The following CDS2 variants were observed in gnomAD, a reference collection of about 807,000 sequenced individuals.
CDS2 encodes phosphatidate cytidylyltransferase 2.
In CDS2, 47 loss-of-function variants were observed where a neutral mutation model predicts 59.0. That is an observed-to-expected ratio of 0.80 (90% CI 0.63 to 1.02). CDS2 has a LOEUF of 1.02. CDS2 is among the 50% of genes least tolerant of loss of function. CDS2 has a pLI of 0.00. For synonymous variants in CDS2, 207 were observed against 206.4 expected (o/e 1.00, Z -0.02); for missense variants, 356 against 558.9 (o/e 0.64, Z 3.66).
At chr20:5,177,697 C>G (rs2091004462) in intron 4 of CDS2, among the ~76,000 whole-genome samples, 1 of 152,100 alleles carries the variant, frequency 6.6e-6, no homozygotes, top group Admixed American at 6.5e-5. Flanking sequence ...TTTGCCCCAG[C>G]AACCTGGTCA....
intron 11 of CDS2, 99 bp from the exon 12 acceptor site, chr20:5,189,636 C>A: frequency 1.3e-6 from 1 of 795,026 alleles, no homozygotes; most frequent in Non-Finnish European, 2.1e-6. Flanking sequence ...TTGCCCTCAG[C>A]TACTCAGCAC....
chr20:5,127,365 A>C (rs1423044320), intron 1 of CDS2, among the ~76,000 whole-genome samples: 1 of 151,750 alleles, frequency 6.6e-6, no homozygotes, highest in African/African-American at 2.4e-5. Flanking sequence ...GGTCTGACTG[A>C]AGTGGCTCCC....
intron 1 of CDS2, chr20:5,128,421 C>T (rs780368884): frequency 6.6e-6 from 1 of 152,070 alleles, no homozygotes; most frequent in African/African-American, 2.4e-5. Context: ...TTTTTTTAAA[C>T]AACTTTCGTG....
At chr20:5,156,043 T>A (rs1225932456) in intron 1 of CDS2, among the ~76,000 whole-genome samples, 1 of 152,118 alleles carries the variant, frequency 6.6e-6, no homozygotes, top group Non-Finnish European at 1.5e-5. Flanking sequence ...GGGGGAGGGA[T>A]GTAATCAGAG....
chr20:5,164,241 G>C (rs968744937), intron 1 of CDS2, among the ~76,000 whole-genome samples: 1 of 152,110 alleles, frequency 6.6e-6, no homozygotes, highest in African/African-American at 2.4e-5. Flanking sequence ...TTATAAACCA[G>C]GAATACTACA....
chr20:5,186,948 G>A, intron 10 of CDS2, 109 bp downstream of exon 10: 2 of 1,244,810 alleles, frequency 1.6e-6, no homozygotes, highest in Non-Finnish European at 2.3e-6. Context: ...CCTTCCCAAA[G>A]CTGTAAGCCC....
intron 1 of CDS2, among the ~76,000 whole-genome samples, chr20:5,135,623 C>T (rs969004656): frequency 1.3e-5 from 2 of 152,106 alleles, no homozygotes; most frequent in Non-Finnish European, 2.9e-5. Context: ...GTGAGGCACC[C>T]CCTCCCCACC....
chr20:5,174,933 T>C (rs2090983611), intron 2 of CDS2, among the ~76,000 whole-genome samples: 1 of 152,168 alleles, frequency 6.6e-6, no homozygotes, highest in Non-Finnish European at 1.5e-5. Context: ...TGTTTGTTTG[T>C]GTTTTGCCTG....
chr20:5,130,863 G>A (rs1473990266), intron 1 of CDS2, among the ~76,000 whole-genome samples: 2 of 151,648 alleles, frequency 1.3e-5, no homozygotes, highest in Non-Finnish European at 2.9e-5. Context: ...AGGACGAGGC[G>A]GGTGGATCAC....
rs201236627 is a variant in CDS2 at position 5,185,020 on chromosome 20, GCAGA to G, written c.759+80_759+83del. ...CTCTCAATGTGAGTAGATCAGCCTG[GCAGA>G]CAGAAGAAATCTAGCTGTGTTGTAT... On this transcript the variant is annotated intron_variant, in intron 8 of 12. Coordinates refer to ENST00000460006, the MANE Select transcript of CDS2 (RefSeq NM_003818.4). The G allele has an allele frequency of 1.6e-4, 169 of 1,060,298 alleles. 1 individual carries two copies. In the East Asian group the frequency reaches 4.0e-3, roughly 25 times the overall value. The allele number at this position is 1,060,298 out of a possible 1,614,324, so 65.7% of individuals were successfully genotyped here.
chr20:5,150,726 C>T (rs1475393910), intron 1 of CDS2, among the ~76,000 whole-genome samples: 1 of 152,224 alleles, frequency 6.6e-6, no homozygotes, highest in African/African-American at 2.4e-5. Flanking sequence ...CTGACGCTCC[C>T]ACCCCATTTC....
chr20:5,134,845 TAGA>T (rs2090635820), intron 1 of CDS2, among the ~76,000 whole-genome samples: 1 of 152,052 alleles, frequency 6.6e-6, no homozygotes, highest in Non-Finnish European at 1.5e-5. Context: ...ATTGGTAAGG[TAGA>T]AAATGAGCAT....
chr20:5,195,060 T>C lies in CDS2; in HGVS notation c.*4826T>C, dbSNP rs2091146463. 1 of 152,170 alleles carries C rather than the reference T, an allele frequency of 6.6e-6. No homozygotes were observed. The highest frequency in any genetic ancestry group is 2.4e-5 in the African/African-American group (1 of 41,424). 9.4% of individuals were successfully genotyped at this position (152,170 alleles called of 1,614,324 possible). A position where few individuals can be genotyped will look rare whatever the true frequency, so the allele number is the denominator to read the frequency against. ...AAATCACCCTAGGTGCGGGCAGGTT[T>C]CTAGGCTGCTCTAAGCTTCTACCTT... On this transcript the variant is annotated 3_prime_UTR_variant, in exon 13 of 13. Coordinates refer to ENST00000460006, the MANE Select transcript of CDS2 (RefSeq NM_003818.4).
intron 1 of CDS2, among the ~76,000 whole-genome samples, chr20:5,167,708 A>T (rs2090923073): frequency 6.6e-6 from 1 of 152,188 alleles, no homozygotes. Context: ...GTGAGTGGGG[A>T]GTTGCCCTCC....
At chr20:5,181,536 A>G (rs903733211) in intron 5 of CDS2, among the ~76,000 whole-genome samples, 1 of 152,260 alleles carries the variant, frequency 6.6e-6, no homozygotes, top group East Asian at 1.9e-4. Context: ...CACAACAGGC[A>G]GCAAACTTTT....
At position 5,173,509 on chromosome 20, in the gene CDS2, T is replaced by C. The variant is rs1001147557; in HGVS notation, c.58-14T>C. On this transcript the variant is annotated splice_polypyrimidine_tract_variant and intron_variant, in intron 1 of 12. Coordinates refer to ENST00000460006, the MANE Select transcript of CDS2 (RefSeq NM_003818.4). The stretch of plus-strand genomic sequence containing the variant: ...ACTTTTGACCTTTTTCTCTTCTGTA[T>C]TTCTGCCACTTAGGAGTCAGAGTCA... 1.9e-6 allele frequency: 3 copies of C among 1,613,828 alleles called. No homozygotes were observed. In the African/African-American group the frequency reaches 4.0e-5, roughly 22 times the overall value.
intron 1 of CDS2, among the ~76,000 whole-genome samples, chr20:5,132,234 A>G (rs572036180): frequency 6.6e-6 from 1 of 151,994 alleles, no homozygotes; most frequent in African/African-American, 2.4e-5. Flanking sequence ...AGTAGCTGAG[A>G]TTACAGTCAC....
intron 1 of CDS2, 58 bp downstream of exon 1, chr20:5,127,207 G>C: frequency 7.2e-7 from 1 of 1,385,764 alleles, no homozygotes; most frequent in Non-Finnish European, 9.6e-7. Flanking sequence ...GGAGGCCTGC[G>C]GGGGACGCGC....
intron 1 of CDS2, among the ~76,000 whole-genome samples, chr20:5,150,537 C>G (rs2090780455): frequency 6.6e-6 from 1 of 152,206 alleles, no homozygotes. Flanking sequence ...GTGGGGCAGC[C>G]CTTGCCTTAC....
Sources: gnomAD v4.1 joint callset for allele counts (sites outside exome capture counted in the v4.1 genomes callset) on GRCh38, gnomAD v4.1.1 for gene constraint, MANE v1.5 for transcripts, NCBI Gene and HGNC (gene_info 2026-07-23, HGNC 2026-07-21) for gene names.